The following HEMK2 variants were observed in gnomAD, a reference collection of about 807,000 sequenced individuals.
The protein encoded by HEMK2 is HemK methyltransferase 2, ETF1 glutamine and histone H4 lysine, also known as methyltransferase HEMK2.
chr21:28,703,824 T>A, the HEMK2 span, among the ~76,000 whole-genome samples: 13 of 152,170 alleles, frequency 8.5e-5, no homozygotes, highest in African/African-American at 3.1e-4. Context: ...GATTCAGAGT[T>A]ACAGAAAAAA....
chr21:28,639,128 C>T, the HEMK2 span, among the ~76,000 whole-genome samples: 7 of 151,972 alleles, frequency 4.6e-5, no homozygotes, highest in South Asian at 2.1e-4. Flanking sequence ...TCTAAAGAAG[C>T]GATAGCAATG....
the HEMK2 span, among the ~76,000 whole-genome samples, chr21:28,607,323 C>T: frequency 6.6e-6 from 1 of 152,116 alleles, no homozygotes; most frequent in South Asian, 2.1e-4. Flanking sequence ...AGGCAAGAGA[C>T]TTGCGTGAAC....
the HEMK2 span, among the ~76,000 whole-genome samples, chr21:28,729,502 C>T: frequency 6.6e-6 from 1 of 152,118 alleles, no homozygotes; most frequent in East Asian, 1.9e-4. Context: ...AAGCTGGATC[C>T]CAACTATTTC....
At chr21:28,815,486 G>A in the HEMK2 span, among the ~76,000 whole-genome samples, 5 of 152,032 alleles carry the variant, frequency 3.3e-5, no homozygotes, top group East Asian at 9.7e-4. Flanking sequence ...AGGAAAAAAT[G>A]GCAATTGGAG....
the HEMK2 span, among the ~76,000 whole-genome samples, chr21:28,724,149 G>C: frequency 6.6e-6 from 1 of 152,164 alleles, no homozygotes; most frequent in Non-Finnish European, 1.5e-5. Context: ...AATTACTTGT[G>C]AGAGTTATTA....
At chr21:28,727,210 A>T in the HEMK2 span, among the ~76,000 whole-genome samples, 1 of 152,164 alleles carries the variant, frequency 6.6e-6, no homozygotes, top group Non-Finnish European at 1.5e-5. Flanking sequence ...GATTTTGTTG[A>T]CACTGTCTCA....
chr21:28,863,455 T>C, the HEMK2 span, among the ~76,000 whole-genome samples: 25 of 92,374 alleles, frequency 2.7e-4, no homozygotes, highest in South Asian at 3.6e-4. Context: ...TATATATATA[T>C]ATATATATAT....
At chr21:28,604,827 C>T in the HEMK2 span, among the ~76,000 whole-genome samples, 1 of 152,172 alleles carries the variant, frequency 6.6e-6, no homozygotes, top group African/African-American at 2.4e-5. Context: ...TGTCTTTGCC[C>T]ACTTTCCTGC....
chr21:28,882,049 T>G, the HEMK2 span: 1 of 680,740 alleles, frequency 1.5e-6, no homozygotes, highest in Non-Finnish European at 2.3e-6. Flanking sequence ...ACTTTGTACA[T>G]GGTATACTGC....
chr21:28,829,253 A>G, the HEMK2 span, among the ~76,000 whole-genome samples: 1 of 152,186 alleles, frequency 6.6e-6, no homozygotes, highest in Non-Finnish European at 1.5e-5. Flanking sequence ...GTTAGTTGTG[A>G]GTTGCCCCTT....
chr21:28,701,962 C>T, the HEMK2 span, among the ~76,000 whole-genome samples: 4 of 151,926 alleles, frequency 2.6e-5, no homozygotes, highest in Non-Finnish European at 5.9e-5. Flanking sequence ...CAAAACAGCA[C>T]GGTACCACTA....
chr21:28,722,421 G>C, the HEMK2 span, among the ~76,000 whole-genome samples: 2 of 152,192 alleles, frequency 1.3e-5, no homozygotes, highest in African/African-American at 4.8e-5. Flanking sequence ...CTTAGGATTT[G>C]TAAAACAAAA....
chr21:28,683,603 T>C, the HEMK2 span, among the ~76,000 whole-genome samples: 2 of 152,192 alleles, frequency 1.3e-5, no homozygotes, highest in East Asian at 1.9e-4. Flanking sequence ...CTAGTCAACA[T>C]TGTGATGATG....
the HEMK2 span, among the ~76,000 whole-genome samples, chr21:28,646,336 C>G: frequency 3.3e-5 from 5 of 152,242 alleles, no homozygotes; most frequent in Non-Finnish European, 7.4e-5. Context: ...ACACCATGCC[C>G]TATCCCTGCT....
At chr21:28,792,769 T>G in the HEMK2 span, among the ~76,000 whole-genome samples, 1 of 152,170 alleles carries the variant, frequency 6.6e-6, no homozygotes, top group Admixed American at 6.6e-5. Flanking sequence ...TCTTCCTCAT[T>G]ATGCCTGCTT....
chr21:28,656,918 C>T, the HEMK2 span, among the ~76,000 whole-genome samples: 1 of 151,966 alleles, frequency 6.6e-6, no homozygotes, highest in Non-Finnish European at 1.5e-5. Flanking sequence ...ATGAAAAACA[C>T]CTACCTTCTA....
At chr21:28,857,116 T>G in the HEMK2 span, among the ~76,000 whole-genome samples, 1 of 152,208 alleles carries the variant, frequency 6.6e-6, no homozygotes, top group East Asian at 1.9e-4. Flanking sequence ...ACAGAGTTTA[T>G]AGTTTCCCTT....
chr21:28,630,285 G>T, the HEMK2 span, among the ~76,000 whole-genome samples: 1 of 152,118 alleles, frequency 6.6e-6, no homozygotes, highest in South Asian at 2.1e-4. Flanking sequence ...AACAACAGGT[G>T]CTGGAGAGGA....
At chr21:28,764,660 C>A in the HEMK2 span, among the ~76,000 whole-genome samples, 1 of 151,956 alleles carries the variant, frequency 6.6e-6, no homozygotes, top group Non-Finnish European at 1.5e-5. Context: ...CAGTATTGCC[C>A]CCTCCTAGAA....
Sources: allele counts gnomAD v4.1 joint callset (sites outside exome capture counted in the v4.1 genomes callset), GRCh38; gene constraint gnomAD v4.1.1; transcripts MANE v1.5; gene names NCBI Gene and HGNC (gene_info 2026-07-23, HGNC 2026-07-21).